HTR2C: variants seen among roughly 807,000 people sequenced by gnomAD.
The protein encoded by HTR2C is 5-hydroxytryptamine (serotonin) receptor 2C, G protein-coupled.
HTR2C carries 5 observed loss-of-function variants against 21.0 expected under a neutral mutation model. The ratio of observed to expected loss-of-function variants is 0.24; its 90% confidence interval spans 0.12 to 0.50. The LOEUF is 0.50. Among genes scored for constraint, HTR2C ranks in the 20% least tolerant of loss-of-function variants. The pLI is 0.98. For missense variants in HTR2C, 271 were observed against 371.2 expected (o/e 0.73, Z 2.22); for synonymous variants, 150 against 145.3 (o/e 1.03, Z -0.23).
chrX:114,735,249 G>A (rs982044575), intron 4 of HTR2C, among the ~76,000 whole-genome samples: 13 of 110,945 alleles, frequency 1.2e-4, no homozygotes, highest in African/African-American at 3.3e-4. Flanking sequence ...CCCAGGAGGC[G>A]GAGGTTGTAG....
chrX:114,735,138 G>C (rs782195410), intron 4 of HTR2C, among the ~76,000 whole-genome samples: 5 of 109,798 alleles, frequency 4.6e-5, no homozygotes, highest in African/African-American at 1.3e-4. Context: ...CTTTAGTAGA[G>C]ACCCAGTATC....
intron 2 of HTR2C, among the ~76,000 whole-genome samples, chrX:114,626,249 C>A (rs1929369523): frequency 9.2e-6 from 1 of 108,188 alleles, no homozygotes; most frequent in African/African-American, 3.4e-5. Context: ...ATTAGCCAGG[C>A]ATGGTGGCAC....
intron 4 of HTR2C, among the ~76,000 whole-genome samples, chrX:114,835,212 T>C (rs1256680659): frequency 1.0e-5 from 1 of 95,768 alleles, no homozygotes; most frequent in African/African-American, 3.7e-5. Flanking sequence ...AGGAGTATCT[T>C]TGTGGCATTC....
intron 5 of HTR2C, among the ~76,000 whole-genome samples, chrX:114,869,811 G>C (rs1033299727): frequency 9.0e-6 from 1 of 111,551 alleles, no homozygotes; most frequent in Non-Finnish European, 1.9e-5. Flanking sequence ...GTCATATATG[G>C]CTTTTATTAT....
intron 4 of HTR2C, among the ~76,000 whole-genome samples, chrX:114,793,517 A>G (rs1556444244): frequency 8.9e-6 from 1 of 111,808 alleles, no homozygotes; most frequent in East Asian, 2.8e-4. Flanking sequence ...AATAGTCCTC[A>G]AAGAATAATC....
intron 5 of HTR2C, among the ~76,000 whole-genome samples, chrX:114,850,130 G>T (rs141602433): frequency 9.0e-6 from 1 of 111,400 alleles, no homozygotes; most frequent in African/African-American, 3.3e-5. Flanking sequence ...AAAACTAAGG[G>T]CCAGGCAGTG....
chrX:114,700,707 G>A (rs376579093), intron 2 of HTR2C, among the ~76,000 whole-genome samples: 248 of 112,273 alleles, frequency 2.2e-3, no homozygotes, highest in African/African-American at 7.7e-3. Context: ...GACAATGGGC[G>A]CAGGACAGTG....
intron 2 of HTR2C, among the ~76,000 whole-genome samples, chrX:114,692,105 C>A (rs1053533663): frequency 7.2e-5 from 8 of 111,761 alleles, no homozygotes; most frequent in Non-Finnish European, 1.3e-4. Flanking sequence ...GACTATTAGA[C>A]AATCCCAGAA....
At chrX:114,712,435 A>AATTATACCC in intron 2 of HTR2C, among the ~76,000 whole-genome samples, 1 of 111,950 alleles carries the variant, frequency 8.9e-6, no homozygotes, top group Non-Finnish European at 1.9e-5. Flanking sequence ...GATCTTGAAA[A>AATTATACCC]ATTATACCCA....
At chrX:114,854,608 G>A (rs886859539) in intron 5 of HTR2C, among the ~76,000 whole-genome samples, 4 of 110,868 alleles carry the variant, frequency 3.6e-5, no homozygotes, top group African/African-American at 1.3e-4. Context: ...TGTAATATCT[G>A]AAACTACAAA....
chrX:114,637,837 G>T (rs1324767536), intron 2 of HTR2C, among the ~76,000 whole-genome samples: 1 of 111,197 alleles, frequency 9.0e-6, no homozygotes, highest in Non-Finnish European at 1.9e-5. Flanking sequence ...TTTTAAACAG[G>T]CAATGGGAAG....
chrX:114,833,574 A>ATTTGTGTCTG (rs2070750694), intron 4 of HTR2C, among the ~76,000 whole-genome samples: 2 of 109,768 alleles, frequency 1.8e-5, no homozygotes, highest in African/African-American at 6.7e-5. Context: ...TATTGTGTCT[A>ATTTGTGTCTG]TTTGATTCTT....
chrX:114,756,137 A>G (rs782666060), intron 4 of HTR2C, among the ~76,000 whole-genome samples: 5 of 110,786 alleles, frequency 4.5e-5, no homozygotes, highest in Non-Finnish European at 7.6e-5. Context: ...ACCCCCCCCA[A>G]ATCACAATGA....
chrX:114,655,387 G>T lies in HTR2C; in HGVS notation c.-80+41506G>T, dbSNP rs782649861. On this transcript the variant is annotated intron_variant, in intron 2 of 5. Transcript: ENST00000276198. Reference sequence around the variant, plus strand: ...TCAAAATGTGCTGATATGTTGTAGTGATTACCTTATTATCTATTCCTAATA... The same window carrying T: ...TCAAAATGTGCTGATATGTTGTAGTTATTACCTTATTATCTATTCCTAATA... Among the ~76,000 whole-genome samples, 3 of 111,307 alleles carry T rather than the reference G, an allele frequency of 2.7e-5. No individual in the cohort carries two copies. In the South Asian group the frequency reaches 1.1e-3, roughly 41 times the overall value.
chrX:114,776,272 A>G, intron 4 of HTR2C: 1 of 585,863 alleles, frequency 1.7e-6, no homozygotes, highest in South Asian at 2.2e-5. Flanking sequence ...TTCTAAGTAC[A>G]TTGAGACCAG....
intron 2 of HTR2C, among the ~76,000 whole-genome samples, chrX:114,667,452 G>A (rs1275049688): frequency 9.0e-6 from 1 of 110,848 alleles, no homozygotes; most frequent in Non-Finnish European, 1.9e-5. Context: ...TTAGCTTATT[G>A]TATCTTTGCT....
chrX:114,701,721 G>C (rs1224417613), intron 2 of HTR2C, among the ~76,000 whole-genome samples: 1 of 112,525 alleles, frequency 8.9e-6, no homozygotes, highest in African/African-American at 3.2e-5. Flanking sequence ...GAATGACCTT[G>C]ACGAGTTGAG....
intron 2 of HTR2C, among the ~76,000 whole-genome samples, chrX:114,646,544 T>C (rs889320386): frequency 8.9e-6 from 1 of 112,471 alleles, no homozygotes; most frequent in African/African-American, 3.2e-5. Context: ...CCTTGATGAT[T>C]CGTGAGGAAC....
At chrX:114,778,995 G>T (rs192422340) in intron 4 of HTR2C, among the ~76,000 whole-genome samples, 242 of 112,130 alleles carry the variant, frequency 2.2e-3, no homozygotes, top group African/African-American at 7.5e-3. Flanking sequence ...AGAATTAAAA[G>T]TTCCGTATAT....
Sources: allele counts gnomAD v4.1 joint callset (sites outside exome capture counted in the v4.1 genomes callset), GRCh38; gene constraint gnomAD v4.1.1; transcripts MANE v1.5; gene names NCBI Gene and HGNC (gene_info 2026-07-23, HGNC 2026-07-21).